NT5DC1: variants seen among roughly 807,000 people sequenced by gnomAD.
The protein encoded by NT5DC1 is 5'-nucleotidase domain-containing protein 1.
In NT5DC1, 42 loss-of-function variants were observed where a neutral mutation model predicts 59.4. The observed-to-expected ratio is 0.71, with a 90% CI of 0.55 to 0.92. The LOEUF is 0.92. Ranked by LOEUF, NT5DC1 falls within the 40% of genes least tolerant of loss-of-function variation. The pLI, the probability that NT5DC1 is intolerant of heterozygous loss-of-function variation, is 0.00. For missense variants in NT5DC1, 501 were observed against 537.1 expected (o/e 0.93, Z 0.66); for synonymous variants, 172 against 188.1 (o/e 0.91, Z 0.70).
chr6:116,110,763 G>A (rs1398486801), intron 3 of NT5DC1, 87 bp from the exon 4 acceptor site: 1 of 967,930 alleles, frequency 1.0e-6, no homozygotes, highest in Non-Finnish European at 1.7e-6. Context: ...TAGCTCCAGT[G>A]GCAACAGGGA....
chr6:116,160,163 T>C (rs1780295191), intron 6 of NT5DC1, among the ~76,000 whole-genome samples: 1 of 152,240 alleles, frequency 6.6e-6, no homozygotes, highest in South Asian at 2.1e-4. Context: ...AGGGTAGTTC[T>C]ACTTTTAGTT....
chr6:116,248,527 G>C lies in NT5DC1; in HGVS notation c.*4503G>C, dbSNP rs527956967. 2.6e-5 allele frequency: 4 copies of C among 152,220 alleles called. No homozygotes were observed. The highest frequency in any genetic ancestry group is 5.9e-5 in the Non-Finnish European group (4 of 68,062). 9.4% of individuals were successfully genotyped at this position (152,220 alleles called of 1,614,324 possible). ...TTAACTGGAGATAAAGCAGCAGCAC[G>C]AGGAGTAATGGGGAGAAGGGCCTGA... On this transcript the variant is annotated 3_prime_UTR_variant, in exon 12 of 12. Coordinates refer to ENST00000319550, the MANE Select transcript of NT5DC1 (RefSeq NM_152729.3).
chr6:116,121,611 G>A, intron 6 of NT5DC1: 1 of 1,613,868 alleles, frequency 6.2e-7, no homozygotes, highest in South Asian at 1.1e-5. Flanking sequence ...AAGCCCCTGG[G>A]TCCTGGGGCT....
chr6:116,199,009 G>C (rs1004927401), intron 6 of NT5DC1, among the ~76,000 whole-genome samples: 1 of 151,994 alleles, frequency 6.6e-6, no homozygotes, highest in African/African-American at 2.4e-5. Context: ...TGTTGGAGGA[G>C]CTGTTCTGTG....
intron 8 of NT5DC1, among the ~76,000 whole-genome samples, chr6:116,232,366 GTTGA>G (rs1385622981): frequency 3.3e-5 from 5 of 151,988 alleles, no homozygotes; most frequent in Admixed American, 2.0e-4. Flanking sequence ...TTTATTGTAT[GTTGA>G]TTATGTCTCA....
intron 6 of NT5DC1, among the ~76,000 whole-genome samples, chr6:116,156,589 G>A (rs1227625679): frequency 2.6e-5 from 4 of 152,202 alleles, no homozygotes; most frequent in Non-Finnish European, 5.9e-5. Flanking sequence ...AAAGCATAAG[G>A]AAGTCTTCGT....
At chr6:116,137,946 G>T (rs1006719343) in intron 6 of NT5DC1, among the ~76,000 whole-genome samples, 1 of 152,216 alleles carries the variant, frequency 6.6e-6, no homozygotes, top group Non-Finnish European at 1.5e-5. Flanking sequence ...AGGCGTGGTG[G>T]TGTGTGTCTG....
At chr6:116,178,299 G>A (rs1780798382) in intron 6 of NT5DC1, among the ~76,000 whole-genome samples, 1 of 152,136 alleles carries the variant, frequency 6.6e-6, no homozygotes, top group Non-Finnish European at 1.5e-5. Context: ...CTGAGATCAG[G>A]TGACATTGGG....
At chr6:116,133,898 A>G (rs934023346) in intron 6 of NT5DC1, among the ~76,000 whole-genome samples, 14 of 152,212 alleles carry the variant, frequency 9.2e-5, no homozygotes, top group African/African-American at 3.4e-4. Context: ...TGTATATACT[A>G]TAGAGATATA....
At chr6:116,143,907 A>G (rs1056681013) in intron 6 of NT5DC1, among the ~76,000 whole-genome samples, 3 of 152,198 alleles carry the variant, frequency 2.0e-5, no homozygotes, top group African/African-American at 7.2e-5. Context: ...ATCTGTAACA[A>G]TTACCAAAAT....
intron 2 of NT5DC1, among the ~76,000 whole-genome samples, chr6:116,107,540 T>TTTTTATTTTATTTTA (rs371049347): frequency 0.022 from 2,905 of 132,670 alleles, 120 homozygotes; most frequent in African/African-American, 0.074. Context: ...AGTGGTTTTC[T>TTTTTATTTTATTTTA]TTTTATTTTA....
chr6:116,134,280 AGGAGCTACTTCCTGCTGTAGACTCAT>A (rs570805168), intron 6 of NT5DC1, among the ~76,000 whole-genome samples: 78 of 152,300 alleles, frequency 5.1e-4, no homozygotes, highest in Non-Finnish European at 9.6e-4. Context: ...AATCTGGAGC[AGGAGCTACTTCCTGCTGTAGACTCAT>A]GGAGATAAAC....
At chr6:116,156,850 G>A (rs745913255) in intron 6 of NT5DC1, among the ~76,000 whole-genome samples, 10 of 152,080 alleles carry the variant, frequency 6.6e-5, no homozygotes, top group Middle Eastern at 3.4e-3. Context: ...GCCACCCCAC[G>A]GCCCCATTAC....
At chr6:116,220,121 CCT>C (rs1491320762) in intron 6 of NT5DC1, among the ~76,000 whole-genome samples, 123 of 108,312 alleles carry the variant, frequency 1.1e-3, no homozygotes, top group African/African-American at 4.7e-3. Flanking sequence ...AGCTGTTTAA[CCT>C]TTTTTTTTTT....
chr6:116,161,614 T>A (rs1469676867), intron 6 of NT5DC1, among the ~76,000 whole-genome samples: 1 of 152,204 alleles, frequency 6.6e-6, no homozygotes. Flanking sequence ...AGTAGCATGC[T>A]GTTTTGGTTA....
At chr6:116,226,233 T>G (rs1489628541) in intron 8 of NT5DC1, among the ~76,000 whole-genome samples, 1 of 152,156 alleles carries the variant, frequency 6.6e-6, no homozygotes, top group Non-Finnish European at 1.5e-5. Flanking sequence ...AATATATAAG[T>G]AAGTACCCAA....
chr6:116,247,896 G>A lies in NT5DC1; in HGVS notation c.*3872G>A, dbSNP rs754335861. 3 of 152,058 alleles carry A rather than the reference G, an allele frequency of 2.0e-5. No homozygotes were observed. The highest frequency in any genetic ancestry group is 4.4e-5 in the Non-Finnish European group (3 of 68,008). 9.4% of individuals were successfully genotyped at this position (152,058 alleles called of 1,614,324 possible). Reference sequence around the variant, plus strand: ...TGAGTATAACGTTTAATGTCTTTTTGGTACATTAAATATTCAGTGCCTTTG... The same window carrying A: ...TGAGTATAACGTTTAATGTCTTTTTAGTACATTAAATATTCAGTGCCTTTG... On this transcript the variant is annotated 3_prime_UTR_variant, in exon 12 of 12. Coordinates refer to ENST00000319550, the MANE Select transcript of NT5DC1 (RefSeq NM_152729.3).
rs117458054 is a variant in NT5DC1 at position 116,115,066 on chromosome 6, T to G, written c.365-625T>G. Among the ~76,000 whole-genome samples the G allele has an allele frequency of 9.1e-4, 138 of 152,330 alleles. No homozygotes were observed. In the East Asian group the frequency reaches 0.026, roughly 29 times the overall value. On this transcript the variant is annotated intron_variant, in intron 4 of 11. Transcript: ENST00000319550. ...AAAGTCACATGTGCCAAAGAAGGGC[T>G]CAAATGTAATTCTACCCTAAAGTCA...
chr6:116,200,197 G>A (rs1254649056), intron 6 of NT5DC1, among the ~76,000 whole-genome samples: 4 of 151,884 alleles, frequency 2.6e-5, no homozygotes, highest in Non-Finnish European at 5.9e-5. Flanking sequence ...CCCAATTGAA[G>A]GACATTCTAC....
Sources: allele counts gnomAD v4.1 joint callset (sites outside exome capture counted in the v4.1 genomes callset), GRCh38; gene constraint gnomAD v4.1.1; transcripts MANE v1.5; gene names NCBI Gene and HGNC (gene_info 2026-07-23, HGNC 2026-07-21).